The following ARFGEF1 variants were observed in gnomAD, a reference collection of about 807,000 sequenced individuals.
ARFGEF1 encodes ARF guanine nucleotide exchange factor 1.
In ARFGEF1, 42 loss-of-function variants were observed where a neutral mutation model predicts 231.0. That is an observed-to-expected ratio of 0.18 (90% confidence interval 0.14 to 0.24). The LOEUF is 0.24. ARFGEF1 is among the 10% of genes least tolerant of loss of function. The pLI, the probability that ARFGEF1 is intolerant of heterozygous loss-of-function variation, is 1.00. For missense variants in ARFGEF1, 1,345 were observed against 2,192.0 expected, an observed-to-expected ratio of 0.61 and a Z score of 7.72; for synonymous variants, 710 against 732.3, an observed-to-expected ratio of 0.97 and a Z score of 0.49.
chr8:67,284,267 TAAAA>T (rs369250208), intron 7 of ARFGEF1, among the ~76,000 whole-genome samples: 1,565 of 151,848 alleles, frequency 0.01, 13 homozygotes, highest in Non-Finnish European at 0.017. Context: ...GAAAGGGAAA[TAAAA>T]AACGCCTTTG....
At chr8:67,251,512 T>G in intron 18 of ARFGEF1, 62 bp from the exon 19 acceptor site, 3 of 1,402,180 alleles carry the variant, frequency 2.1e-6, no homozygotes, top group Non-Finnish European at 2.8e-6. Flanking sequence ...TATTTTGATA[T>G]TTTACTATCA....
chr8:67,221,904 C>T lies in ARFGEF1; in HGVS notation c.4209-2344G>A, dbSNP rs557956704. On this transcript the variant is annotated intron_variant, in intron 29 of 38. Coordinates refer to ENST00000262215, the MANE Select transcript of ARFGEF1 (RefSeq NM_006421.5). ...TCTCTGCTCACTGCAAGCTCCACCT[C>T]CCAGGTTCAAGCCATTTTCCTGCCT... 6.2e-3 allele frequency among the ~76,000 whole-genome samples: 939 copies of T among 151,382 alleles called. 11 individuals are homozygous for T. Among genetic ancestry groups the T allele is most frequent in the African/African-American group, 0.015 (620 of 41,294 alleles).
intron 29 of ARFGEF1, among the ~76,000 whole-genome samples, chr8:67,224,269 C>G (rs545174495): frequency 5.9e-5 from 9 of 152,174 alleles, no homozygotes; most frequent in African/African-American, 2.2e-4. Context: ...CACAAGCTGG[C>G]CATTTCAATG....
At position 67,225,952 on chromosome 8, in the gene ARFGEF1, C is replaced by G. The variant is rs918922607; in HGVS notation, c.4077+71G>C. Reference sequence around the variant, plus strand: ...ATAAATGCTTCATATACCCTCAATTCCCAAACAAACTTAAGATTTCAAATT... The same window carrying G: ...ATAAATGCTTCATATACCCTCAATTGCCAAACAAACTTAAGATTTCAAATT... On this transcript the variant is annotated intron_variant, in intron 28 of 38. Coordinates refer to ENST00000262215, the MANE Select transcript of ARFGEF1 (RefSeq NM_006421.5). The G allele has an allele frequency of 9.1e-5, 130 of 1,429,122 alleles. 2 individuals carry two copies. In the South Asian group the frequency reaches 1.9e-3, roughly 21 times the overall value. 88.5% of individuals were successfully genotyped at this position (1,429,122 alleles called of 1,614,324 possible).
chr8:67,210,345 T>G (rs2129577742), intron 34 of ARFGEF1, among the ~76,000 whole-genome samples: 1 of 151,536 alleles, frequency 6.6e-6, no homozygotes, highest in East Asian at 2.0e-4. Flanking sequence ...CTGGGCGTGA[T>G]GAGGTGTGCC....
chr8:67,219,799 C>G (rs569692633), intron 29 of ARFGEF1, among the ~76,000 whole-genome samples: 221 of 152,146 alleles, frequency 1.5e-3, no homozygotes, highest in African/African-American at 5.1e-3. Flanking sequence ...TTTTACTTTT[C>G]CTTTACTCTT....
At chr8:67,283,552 C>A (rs1805625005) in intron 7 of ARFGEF1, among the ~76,000 whole-genome samples, 1 of 151,774 alleles carries the variant, frequency 6.6e-6, no homozygotes, top group Non-Finnish European at 1.5e-5. Flanking sequence ...GCAAAACACA[C>A]CATAATAAGA....
Position 67,243,354 on chromosome 8 carries a change from A to T in ARFGEF1, c.2851-3064T>A, listed in dbSNP as rs559057095. 3.2e-4 allele frequency among the ~76,000 whole-genome samples: 49 copies of T among 152,336 alleles called. 1 individual carries two copies. In the South Asian group the frequency reaches 9.7e-3, roughly 30 times the overall value. On this transcript the variant is annotated intron_variant, in intron 19 of 38. Transcript: ENST00000262215. ...TGTGGCTGAGAGGCCTCACAATCAT[A>T]GTGGAAGGCAAGGAGGAGCAAAATC...
At chr8:67,285,759 A>G (rs1390062566) in intron 7 of ARFGEF1, among the ~76,000 whole-genome samples, 1 of 152,176 alleles carries the variant, frequency 6.6e-6, no homozygotes, top group Non-Finnish European at 1.5e-5. Context: ...TTTGCCAAAT[A>G]TATTTAATCT....
At chr8:67,304,386 A>C (rs1465445689) in intron 1 of ARFGEF1, among the ~76,000 whole-genome samples, 1 of 152,242 alleles carries the variant, frequency 6.6e-6, no homozygotes. Flanking sequence ...TAGAACTAGA[A>C]GGCAGATAGT....
chr8:67,195,437 C>G, downstream of ARFGEF1: 1 of 1,614,106 alleles, frequency 6.2e-7, no homozygotes, highest in Non-Finnish European at 8.5e-7. Context: ...TAGGGGATGA[C>G]GGATCAAACT....
rs73693133 is a variant in ARFGEF1 at position 67,190,997 on chromosome 8, T to G, written c.560+9399A>C. On this transcript the variant is annotated intron_variant, in intron 5 of 5. Transcript: ENST00000518789. ...TCCTGGGGTGGCTGTAAGTAGCTCCTCATCCCAACCTTCCTTCTTCTCCTG... is the reference window on the plus strand; with the variant it reads ...TCCTGGGGTGGCTGTAAGTAGCTCCGCATCCCAACCTTCCTTCTTCTCCTG... Among the ~76,000 whole-genome samples, 18,893 of 152,116 alleles carry G rather than the reference T, an allele frequency of 0.12. 2,298 individuals are homozygous for G. Among genetic ancestry groups the G allele is most frequent in the African/African-American group, 0.32 (13,061 of 41,416 alleles).
At chr8:67,202,042 T>A (rs1310968868) in intron 36 of ARFGEF1, among the ~76,000 whole-genome samples, 2 of 151,794 alleles carry the variant, frequency 1.3e-5, no homozygotes, top group Non-Finnish European at 2.9e-5. Flanking sequence ...AAAACTTGGG[T>A]AGAAAAAAAG....
At chr8:67,190,999 ATCC>A (rs1201664640) in intron 5 of ARFGEF1, among the ~76,000 whole-genome samples, 4 of 152,174 alleles carry the variant, frequency 2.6e-5, no homozygotes, top group African/African-American at 9.7e-5. Flanking sequence ...GTAGCTCCTC[ATCC>A]CAACCTTCCT....
intron 1 of ARFGEF1, among the ~76,000 whole-genome samples, chr8:67,324,041 A>T (rs190261961): frequency 0.016 from 2,473 of 151,960 alleles, 71 homozygotes; most frequent in African/African-American, 0.057. Context: ...GACCTTGTGA[A>T]CCGCCCGCCT....
intron 5 of ARFGEF1, among the ~76,000 whole-genome samples, chr8:67,184,941 T>TA (rs1834077276): frequency 4.5e-5 from 1 of 22,328 alleles, no homozygotes; most frequent in Non-Finnish European, 9.2e-5. Context: ...CTACTAAAAA[T>TA]ACAAAAAAAA....
At chr8:67,326,056 A>G (rs1047034432) in intron 1 of ARFGEF1, among the ~76,000 whole-genome samples, 4 of 152,110 alleles carry the variant, frequency 2.6e-5, no homozygotes, top group African/African-American at 9.7e-5. Context: ...AAAATTAGCC[A>G]GGCATGGTGG....
intron 34 of ARFGEF1, among the ~76,000 whole-genome samples, chr8:67,208,990 T>G (rs563028615): frequency 6.6e-6 from 1 of 152,206 alleles, no homozygotes; most frequent in South Asian, 2.1e-4. Context: ...CTGGTGGGAA[T>G]GTAAAATGGT....
chr8:67,227,370 C>G (rs2128871831), intron 26 of ARFGEF1, 61 bp from the exon 27 acceptor site: 3 of 1,596,544 alleles, frequency 1.9e-6, no homozygotes, highest in African/African-American at 2.7e-5. Context: ...AGTTTTTCCC[C>G]CTTTCTTCTG....
Sources: gnomAD v4.1 joint callset for allele counts (sites outside exome capture counted in the v4.1 genomes callset) on GRCh38, gnomAD v4.1.1 for gene constraint, MANE v1.5 for transcripts, NCBI Gene and HGNC (gene_info 2026-07-23, HGNC 2026-07-21) for gene names.